The following EYA2 variants were observed in gnomAD, a reference collection of about 807,000 sequenced individuals.
EYA2 encodes the protein EYA transcriptional coactivator and phosphatase 2.
In EYA2, 31 loss-of-function variants were observed where a neutral mutation model predicts 69.2. The observed-to-expected ratio is 0.45, with a 90% CI of 0.34 to 0.60. The LOEUF (loss-of-function observed/expected upper bound fraction) is 0.60, where lower values mean the gene tolerates loss of function less well. EYA2 is among the 20% of genes least tolerant of loss of function. The pLI, the probability that EYA2 is intolerant of heterozygous loss-of-function variation, is 0.02. For missense variants in EYA2, 622 were observed against 701.2 expected (o/e 0.89, Z 1.28); for synonymous variants, 257 against 279.4 (o/e 0.92, Z 0.80).
intron 7 of EYA2, among the ~76,000 whole-genome samples, chr20:47,076,938 T>C (rs1410783433): frequency 6.6e-6 from 1 of 152,110 alleles, no homozygotes; most frequent in Non-Finnish European, 1.5e-5. Flanking sequence ...AAAGCTCCCA[T>C]TGGCCCAGCT....
chr20:47,068,268 C>T (rs569357565), intron 5 of EYA2, among the ~76,000 whole-genome samples: 1 of 152,330 alleles, frequency 6.6e-6, no homozygotes, highest in South Asian at 2.1e-4. Context: ...TAAATGAATG[C>T]ATGCATGAAT....
intron 1 of EYA2, among the ~76,000 whole-genome samples, chr20:46,976,396 T>G (rs1980462383): frequency 6.6e-6 from 1 of 152,020 alleles, no homozygotes; most frequent in Non-Finnish European, 1.5e-5. Context: ...TTGGGTTTTG[T>G]TTTGTTTGAA....
At chr20:47,001,727 G>T (rs1385178086) in intron 3 of EYA2, among the ~76,000 whole-genome samples, 1 of 151,862 alleles carries the variant, frequency 6.6e-6, no homozygotes, top group African/African-American at 2.4e-5. Flanking sequence ...CTTAGAATGG[G>T]GCCTGGAGCA....
At chr20:46,964,879 G>A (rs1167243988) in intron 1 of EYA2, among the ~76,000 whole-genome samples, 1 of 152,184 alleles carries the variant, frequency 6.6e-6, no homozygotes, top group Non-Finnish European at 1.5e-5. Flanking sequence ...TTTGAATTTA[G>A]GGGATAATAC....
rs1335533615 is a variant in EYA2 at position 47,150,121 on chromosome 20, A to C, written c.978+6973A>C. Among the ~76,000 whole-genome samples the C allele has an allele frequency of 2.6e-5, 4 of 152,184 alleles. No individual in the cohort carries two copies. The East Asian group carries it at 7.7e-4, about 29-fold the overall frequency. ...GAGGGTGGAATTAATGCATCTGGCC[A>C]GGGAGTCAATGGTCGCACAGCAGTG... On this transcript the variant is annotated intron_variant, in intron 10 of 15. Coordinates refer to ENST00000327619, the MANE Select transcript of EYA2 (RefSeq NM_005244.5).
At chr20:47,170,428 C>T (rs1194342188) in intron 11 of EYA2, among the ~76,000 whole-genome samples, 1 of 151,868 alleles carries the variant, frequency 6.6e-6, no homozygotes, top group Non-Finnish European at 1.5e-5. Context: ...GCAAGGATCA[C>T]CTGAGGTCAG....
At chr20:46,961,342 A>T (rs1979465978) in intron 1 of EYA2, among the ~76,000 whole-genome samples, 1 of 152,166 alleles carries the variant, frequency 6.6e-6, no homozygotes, top group South Asian at 2.1e-4. Context: ...ATAAATAAAT[A>T]AATTTATTTT....
chr20:47,161,845 G>A (rs76482849), intron 10 of EYA2: 4,010 of 153,350 alleles, frequency 0.026, 188 homozygotes, highest in African/African-American at 0.091. Flanking sequence ...GCTCTGAAAG[G>A]AGATGGGTCC....
chr20:47,143,764 C>A (rs545205803), intron 10 of EYA2, among the ~76,000 whole-genome samples: 1 of 152,196 alleles, frequency 6.6e-6, no homozygotes, highest in African/African-American at 2.4e-5. Context: ...GAATGGGAAA[C>A]ATATTTAGAA....
At chr20:47,004,285 T>C (rs954451726) in intron 3 of EYA2, among the ~76,000 whole-genome samples, 40 of 152,200 alleles carry the variant, frequency 2.6e-4, no homozygotes, top group African/African-American at 9.2e-4. Context: ...AGGATTTAAA[T>C]TCCCAGGGCA....
At chr20:47,180,730 C>T in intron 13 of EYA2, 85 bp from the exon 14 acceptor site, 1 of 1,529,910 alleles carries the variant, frequency 6.5e-7, no homozygotes, top group East Asian at 2.3e-5. Flanking sequence ...ACCAGATTTC[C>T]CGCCAACTGC....
At chr20:47,088,749 G>A (rs903819359) in intron 7 of EYA2, among the ~76,000 whole-genome samples, 1 of 152,144 alleles carries the variant, frequency 6.6e-6, no homozygotes, top group Non-Finnish European at 1.5e-5. Flanking sequence ...ACCACACGAG[G>A]TCAACTTTTC....
At chr20:46,927,081 C>T (rs1985446152) in intron 1 of EYA2, among the ~76,000 whole-genome samples, 1 of 152,192 alleles carries the variant, frequency 6.6e-6, no homozygotes, top group African/African-American at 2.4e-5. Context: ...TTGATGGGAG[C>T]CCAGAAGTGC....
At chr20:47,174,279 G>A (rs930004126) in intron 12 of EYA2, among the ~76,000 whole-genome samples, 6 of 152,192 alleles carry the variant, frequency 3.9e-5, no homozygotes, top group South Asian at 2.1e-4. Flanking sequence ...ACTTCCAGTC[G>A]CAGCTCTACA....
chr20:47,117,437 G>A (rs1458514789), intron 9 of EYA2: 2 of 985,136 alleles, frequency 2.0e-6, no homozygotes, highest in Non-Finnish European at 2.4e-6. Context: ...GAGAGAGCAT[G>A]ACCTGATCTC....
chr20:46,932,148 C>T (rs962975654), intron 1 of EYA2, among the ~76,000 whole-genome samples: 2 of 151,900 alleles, frequency 1.3e-5, no homozygotes, highest in African/African-American at 4.8e-5. Flanking sequence ...GCCTAATAAG[C>T]CTGCTTTCTG....
At chr20:46,978,611 C>T (rs768879829) in intron 1 of EYA2, 19 of 534,750 alleles carry the variant, frequency 3.6e-5, no homozygotes, top group Non-Finnish European at 5.0e-5. Context: ...AATGGAAAGC[C>T]GTCAGAGGTT....
At chr20:47,096,297 A>G (rs754889891) in intron 8 of EYA2, among the ~76,000 whole-genome samples, 3 of 152,220 alleles carry the variant, frequency 2.0e-5, no homozygotes, top group Non-Finnish European at 4.4e-5. Flanking sequence ...GTAAATGTAT[A>G]TTACTAGTTA....
chr20:47,131,226 A>G (rs182719276), intron 9 of EYA2, among the ~76,000 whole-genome samples: 3 of 152,280 alleles, frequency 2.0e-5, no homozygotes, highest in South Asian at 2.1e-4. Context: ...TTGTGGGACA[A>G]TTTTTCTTTC....
Sources: allele counts gnomAD v4.1 joint callset (sites outside exome capture counted in the v4.1 genomes callset), GRCh38; gene constraint gnomAD v4.1.1; transcripts MANE v1.5; gene names NCBI Gene and HGNC (gene_info 2026-07-23, HGNC 2026-07-21).